Variants in SLAMF1 observed in about 807,000 individuals in gnomAD.
SLAMF1 encodes the protein signaling lymphocytic activation molecule family member 1, also known as signaling lymphocytic activation molecule.
Under a neutral mutation model 35.1 loss-of-function variants are expected in SLAMF1, and 18 were observed. The observed-to-expected ratio is 0.51, with a 90% CI of 0.35 to 0.76. The LOEUF is 0.76. SLAMF1 is among the 30% of genes least tolerant of loss of function. The pLI, the probability that SLAMF1 is intolerant of heterozygous loss-of-function variation, is 0.01. For missense variants in SLAMF1, 392 were observed against 413.0 expected (o/e 0.95, Z 0.44); for synonymous variants, 168 against 157.2 (o/e 1.07, Z -0.51).
At chr1:160,626,639 G>GA (rs944855746) in intron 3 of SLAMF1, among the ~76,000 whole-genome samples, 24 of 152,264 alleles carry the variant, frequency 1.6e-4, no homozygotes, top group Admixed American at 1.5e-3. Context: ...CAGAGTCATA[G>GA]AAAAAGTCAG....
At chr1:160,630,701 C>T (rs1393093442) in intron 3 of SLAMF1, among the ~76,000 whole-genome samples, 2 of 152,062 alleles carry the variant, frequency 1.3e-5, no homozygotes, top group African/African-American at 4.8e-5. Flanking sequence ...TCTCTTTCTT[C>T]CCCACTTCCC....
At chr1:160,628,853 G>A (rs554419770) in intron 3 of SLAMF1, among the ~76,000 whole-genome samples, 5 of 152,338 alleles carry the variant, frequency 3.3e-5, no homozygotes, top group African/African-American at 9.6e-5. Flanking sequence ...GAGCCAGGAG[G>A]CAAGTGTGTG....
chr1:160,634,758 C>T lies in SLAMF1; in HGVS notation c.555G>A (p.Leu185=), dbSNP rs1660341914. ...GGAGGTGGGAGCTGTTGGCTGGGTT[C>T]AGTGGGTGGGTGCCCGCCTTTTCAC... ...SWSEKAGTHP[L]NPANSSHLLS... is the part of the protein sequence containing the mutation. Residue 185 remains leucine, a synonymous_variant, in exon 3 of 7, where the codon CTG becomes CTA. Transcript: ENST00000302035. 6.2e-7 allele frequency: 1 copy of T among 1,614,162 alleles called. No homozygotes were observed.
Position 160,634,768 on chromosome 1 carries a change from G to A in SLAMF1, c.545C>T (p.Thr182Ile). Residue 182 changes from threonine (T) to isoleucine (I), a missense_variant, in exon 3 of 7, where the codon ACC (threonine) becomes ATC (isoleucine). By Grantham distance (89) the Thr-to-Ile change is moderately conservative. Transcript: ENST00000302035. ...GCTGTTGGCTGGGTTCAGTGGGTGGGTGCCCGCCTTTTCACTCCAGCTGTA... is the reference window on the plus strand; with the variant it reads ...GCTGTTGGCTGGGTTCAGTGGGTGGATGCCCGCCTTTTCACTCCAGCTGTA... ...VAYSWSEKAG[T>I]HPLNPANSSH... 2 of 1,614,170 alleles carry A rather than the reference G, an allele frequency of 1.2e-6. No individual in the cohort carries two copies. Among genetic ancestry groups the A allele is most frequent in the Non-Finnish European group, 8.5e-7 (1 of 1,180,034 alleles).
At chr1:160,643,808 A>G (rs988788129) in intron 1 of SLAMF1, among the ~76,000 whole-genome samples, 2 of 152,358 alleles carry the variant, frequency 1.3e-5, no homozygotes, top group Admixed American at 1.3e-4. Context: ...TGTACAATAG[A>G]TTATTGTTAA....
chr1:160,617,321 G>A (rs1270423405), intron 5 of SLAMF1, among the ~76,000 whole-genome samples: 1 of 151,992 alleles, frequency 6.6e-6, no homozygotes, highest in Non-Finnish European at 1.5e-5. Flanking sequence ...GTATATCTAG[G>A]TATATACCCA....
chr1:160,622,269 C>A (rs1428520977), intron 4 of SLAMF1, among the ~76,000 whole-genome samples: 1 of 152,214 alleles, frequency 6.6e-6, no homozygotes, highest in Non-Finnish European at 1.5e-5. Flanking sequence ...AGGAAAAAGT[C>A]TTGGCCTTAA....
At chr1:160,639,057 C>A (rs2102352865) in intron 1 of SLAMF1, among the ~76,000 whole-genome samples, 1 of 152,314 alleles carries the variant, frequency 6.6e-6, no homozygotes, top group Non-Finnish European at 1.5e-5. Context: ...TCACTGCACT[C>A]CCAACTGCCT....
chr1:160,637,145 A>T, intron 2 of SLAMF1, 46 bp downstream of exon 2: 1 of 1,338,684 alleles, frequency 7.5e-7, no homozygotes, highest in Non-Finnish European at 1.1e-6. Context: ...TGGTCAAAGG[A>T]GCACCTTGGC....
At chr1:160,616,548 G>T (rs1440376149) in intron 5 of SLAMF1, among the ~76,000 whole-genome samples, 1 of 152,220 alleles carries the variant, frequency 6.6e-6, no homozygotes, top group Non-Finnish European at 1.5e-5. Flanking sequence ...CTCTTTATCA[G>T]TAGGTATCTC....
In SLAMF1 at chr1:160,642,745, C is replaced by T. The variant is rs1181310978; in HGVS notation, c.76+4125G>A. 6.6e-6 allele frequency among the ~76,000 whole-genome samples: 1 copy of T among 152,072 alleles called. No individual in the cohort carries two copies. The highest frequency in any genetic ancestry group is 1.5e-5 in the Non-Finnish European group (1 of 67,998). ...ATATTATGGAAGAAAGTGGTGGGGA[C>T]CCTTTTCCCCACTTGCCAGCTGAGG... On this transcript the variant is annotated intron_variant, in intron 1 of 6. Transcript: ENST00000302035. The surrounding 1 kb of genome is among the most constrained non-coding windows in gnomAD (Gnocchi z 4.2).
intron 5 of SLAMF1, among the ~76,000 whole-genome samples, chr1:160,617,057 G>A (rs936139631): frequency 6.6e-6 from 1 of 151,972 alleles, no homozygotes; most frequent in Admixed American, 6.6e-5. Context: ...TTGGGAGGCC[G>A]AGACAGGAGA....
intron 5 of SLAMF1, among the ~76,000 whole-genome samples, chr1:160,618,963 A>G (rs1659459003): frequency 6.6e-6 from 1 of 152,132 alleles, no homozygotes; most frequent in South Asian, 2.1e-4. Flanking sequence ...AGAAATAAGA[A>G]CTTTGTTCAA....
chr1:160,644,275 G>A (rs2102370817), intron 1 of SLAMF1, among the ~76,000 whole-genome samples: 1 of 152,240 alleles, frequency 6.6e-6, no homozygotes, highest in Non-Finnish European at 1.5e-5. Context: ...CCCAAACATA[G>A]GCTTGTCCAG....
In SLAMF1 at chr1:160,608,391, G is replaced by A. The variant is rs1031177319; in HGVS notation, c.*2357C>T. 2 of 152,152 alleles carry A rather than the reference G, an allele frequency of 1.3e-5. No individual in the cohort carries two copies. Among genetic ancestry groups the A allele is most frequent in the Non-Finnish European group, 2.9e-5 (2 of 68,038 alleles). 9.4% of individuals were successfully genotyped at this position (152,152 alleles called of 1,614,324 possible). On this transcript the variant is annotated 3_prime_UTR_variant, in exon 7 of 7. Coordinates refer to ENST00000302035, the MANE Select transcript of SLAMF1 (RefSeq NM_003037.5). Reference sequence around the variant, plus strand: ...GAAAACAGCATTAGAGGGGAAACACGGGGAAAACTTATTGTTTTAAGTCTG... The same window carrying A: ...GAAAACAGCATTAGAGGGGAAACACAGGGAAAACTTATTGTTTTAAGTCTG...
At chr1:160,644,997 A>G (rs1660959602) in intron 1 of SLAMF1, among the ~76,000 whole-genome samples, 1 of 152,216 alleles carries the variant, frequency 6.6e-6, no homozygotes, top group Non-Finnish European at 1.5e-5. Flanking sequence ...CTATGTATGT[A>G]TGGGGCAGAG....
At chr1:160,630,570 A>G (rs1660113590) in intron 3 of SLAMF1, among the ~76,000 whole-genome samples, 1 of 152,090 alleles carries the variant, frequency 6.6e-6, no homozygotes, top group East Asian at 1.9e-4. Flanking sequence ...TTTCATCCCA[A>G]GGCTGGGGTT....
At chr1:160,612,779 C>G (rs1441871322) in intron 5 of SLAMF1, among the ~76,000 whole-genome samples, 199 bp from the exon 6 acceptor site, 1 of 152,138 alleles carries the variant, frequency 6.6e-6, no homozygotes, top group Non-Finnish European at 1.5e-5. Flanking sequence ...TTGGACTCCC[C>G]AAGTGGCGTC....
chr1:160,609,524 T>C lies in SLAMF1; in HGVS notation c.*1224A>G, dbSNP rs1352260172. 6.6e-6 allele frequency: 1 copy of C among 152,182 alleles called. No individual in the cohort carries two copies. The highest frequency in any genetic ancestry group is 2.4e-5 in the African/African-American group (1 of 41,430). The allele number at this position is 152,182 out of a possible 1,614,324, so 9.4% of individuals were successfully genotyped here. A position where few individuals can be genotyped will look rare whatever the true frequency, so the allele number is the denominator to read the frequency against. On this transcript the variant is annotated 3_prime_UTR_variant, in exon 7 of 7. Coordinates refer to ENST00000302035, the MANE Select transcript of SLAMF1 (RefSeq NM_003037.5). ...TGGTGCTCCTTATTATGCAATGGTA[T>C]GATAGTGGCTGTTTCTTACAGTACT...
Sources: gnomAD v4.1 joint callset for allele counts (sites outside exome capture counted in the v4.1 genomes callset) on GRCh38, gnomAD v4.1.1 for gene constraint, Gnocchi (gnomAD v3.1) non-coding constraint, MANE v1.5 for transcripts, NCBI Gene and HGNC (gene_info 2026-07-23, HGNC 2026-07-21) for gene names.